The following CNBD1 variants were observed in gnomAD, a reference collection of about 807,000 sequenced individuals.
CNBD1 encodes the protein cyclic nucleotide-binding domain-containing protein 1.
In CNBD1, 71 loss-of-function variants were observed where a neutral mutation model predicts 54.4. The ratio of observed to expected loss-of-function variants is 1.30; its 90% CI spans 1.08 to 1.59. The LOEUF (loss-of-function observed/expected upper bound fraction) is 1.59, where lower values mean the gene tolerates loss of function less well. Ranked by LOEUF, CNBD1 falls within the 40% of genes most tolerant of loss-of-function variation. The pLI is 0.00. For synonymous variants in CNBD1, 182 were observed against 170.7 expected (o/e 1.07, Z -0.51); for missense variants, 659 against 518.0 (o/e 1.27, Z -2.64).
At chr8:87,333,455 C>T (rs10113438) in intron 8 of CNBD1, among the ~76,000 whole-genome samples, 86,002 of 151,950 alleles carry the variant, frequency 0.57, 25,886 homozygotes, top group African/African-American at 0.77. Context: ...CTTGTGCCAG[C>T]TTTCAAAGGG....
At chr8:86,925,730 CA>C (rs71275895) in intron 3 of CNBD1, among the ~76,000 whole-genome samples, 48 of 141,708 alleles carry the variant, frequency 3.4e-4, no homozygotes, top group African/African-American at 1.1e-3. Context: ...AAAAAAATAC[CA>C]AAAAAAAAAA....
intron 8 of CNBD1, among the ~76,000 whole-genome samples, chr8:87,318,532 T>C (rs1219086665): frequency 1.3e-5 from 2 of 152,118 alleles, no homozygotes; most frequent in East Asian, 3.9e-4. Flanking sequence ...GGTTGTTCCC[T>C]CTAATAATGC....
At chr8:87,239,155 A>T (rs1013891730) in intron 6 of CNBD1, among the ~76,000 whole-genome samples, 19 of 152,178 alleles carry the variant, frequency 1.2e-4, no homozygotes, top group Non-Finnish European at 2.2e-4. Flanking sequence ...TTTTGAAAAA[A>T]TGAAAAGATA....
intron 1 of CNBD1, among the ~76,000 whole-genome samples, chr8:86,887,097 C>T (rs973033328): frequency 3.3e-5 from 5 of 152,028 alleles, no homozygotes; most frequent in Non-Finnish European, 7.4e-5. Flanking sequence ...TGGGGACCTG[C>T]GTAGGATTGA....
intron 4 of CNBD1, among the ~76,000 whole-genome samples, chr8:87,180,504 T>G (rs1307098509): frequency 1.3e-5 from 2 of 152,180 alleles, no homozygotes; most frequent in African/African-American, 4.8e-5. Context: ...TTTCATGCTT[T>G]CACCTGTACA....
At chr8:87,239,698 G>A (rs1313268273) in intron 6 of CNBD1, among the ~76,000 whole-genome samples, 1 of 152,088 alleles carries the variant, frequency 6.6e-6, no homozygotes. Flanking sequence ...TATTTCTCAT[G>A]AGATAATGTA....
At chr8:87,401,618 G>A (rs948763437) in intron 2 of CNBD1, among the ~76,000 whole-genome samples, 18 of 151,836 alleles carry the variant, frequency 1.2e-4, no homozygotes, top group African/African-American at 4.3e-4. Flanking sequence ...GAGGTTGCTG[G>A]GCCATGAGAA....
At chr8:86,944,445 A>C (rs777073938) in intron 4 of CNBD1, among the ~76,000 whole-genome samples, 11 of 152,184 alleles carry the variant, frequency 7.2e-5, no homozygotes, top group Non-Finnish European at 1.0e-4. Flanking sequence ...AAGGGGATAG[A>C]GAATGATGGA....
intron 3 of CNBD1, among the ~76,000 whole-genome samples, chr8:86,906,231 G>T (rs1381311073): frequency 6.6e-6 from 1 of 152,166 alleles, no homozygotes; most frequent in African/African-American, 2.4e-5. Context: ...TATGTCTCCA[G>T]GGGTTGGAAG....
chr8:86,955,466 C>T (rs551841530), intron 4 of CNBD1, among the ~76,000 whole-genome samples: 26 of 152,246 alleles, frequency 1.7e-4, no homozygotes, highest in African/African-American at 5.8e-4. Flanking sequence ...AAAAGTGTTC[C>T]TATTTCTCCA....
rs1406325452 is a variant in CNBD1 at position 87,234,312 on chromosome 8, G to C, written c.578-2607G>C. Among the ~76,000 whole-genome samples the C allele has an allele frequency of 2.6e-5, 4 of 152,242 alleles. No homozygotes were observed. In the East Asian group the frequency reaches 7.7e-4, roughly 29 times the overall value. ...CATCTAGAATAATGAATCTTTTCCA[G>C]AATGTCCAGTTTACTTTGCCCAGCT... On this transcript the variant is annotated intron_variant, in intron 5 of 10. Transcript: ENST00000518476.
intron 8 of CNBD1, among the ~76,000 whole-genome samples, chr8:87,310,777 A>T (rs1168642056): frequency 6.6e-6 from 1 of 152,196 alleles, no homozygotes; most frequent in East Asian, 1.9e-4. Flanking sequence ...AACTGTACAA[A>T]ACAGACACAT....
At chr8:87,270,509 TG>T (rs1808340780) in intron 6 of CNBD1, among the ~76,000 whole-genome samples, 1 of 152,006 alleles carries the variant, frequency 6.6e-6, no homozygotes. Context: ...TATACATTTT[TG>T]GTTGGGAGTG....
intron 10 of CNBD1, among the ~76,000 whole-genome samples, chr8:87,364,422 A>G (rs1431121948): frequency 6.6e-6 from 1 of 151,836 alleles, no homozygotes; most frequent in African/African-American, 2.4e-5. Context: ...TTCTCTATCA[A>G]GTGTATTAAA....
intron 5 of CNBD1, among the ~76,000 whole-genome samples, chr8:87,215,917 A>C (rs1195373001): frequency 6.6e-6 from 1 of 152,194 alleles, no homozygotes; most frequent in East Asian, 1.9e-4. Flanking sequence ...CCTGGTAGCC[A>C]CTAGCCTGTT....
At chr8:87,230,074 G>A (rs1055667075) in intron 5 of CNBD1, among the ~76,000 whole-genome samples, 5 of 152,166 alleles carry the variant, frequency 3.3e-5, no homozygotes, top group African/African-American at 4.8e-5. Flanking sequence ...ATGGCAGAAG[G>A]CAAAATGGGA....
At chr8:86,921,977 A>AC (rs1261612193) in intron 3 of CNBD1, among the ~76,000 whole-genome samples, 2 of 152,096 alleles carry the variant, frequency 1.3e-5, no homozygotes, top group Non-Finnish European at 2.9e-5. Flanking sequence ...GGGCAGGGGT[A>AC]GTTGCATTGA....
chr8:87,338,100 A>G (rs533893914), intron 8 of CNBD1, among the ~76,000 whole-genome samples: 1 of 152,186 alleles, frequency 6.6e-6, no homozygotes, highest in East Asian at 1.9e-4. Context: ...TGCAATATAC[A>G]CTTAAACCTA....
At chr8:87,116,111 T>A (rs1811762210) in intron 4 of CNBD1, among the ~76,000 whole-genome samples, 1 of 152,086 alleles carries the variant, frequency 6.6e-6, no homozygotes, top group African/African-American at 2.4e-5. Flanking sequence ...TTTTCTCTAT[T>A]AAACCTACAA....
Sources: allele counts gnomAD v4.1 joint callset (sites outside exome capture counted in the v4.1 genomes callset), GRCh38; gene constraint gnomAD v4.1.1; transcripts MANE v1.5; gene names NCBI Gene and HGNC (gene_info 2026-07-23, HGNC 2026-07-21).